Variants in LHFPL6 observed in about 807,000 individuals in gnomAD.
LHFPL6 encodes LHFPL tetraspan subfamily member 6, also known as LHFPL tetraspan subfamily member 6 protein.
In LHFPL6, 9 loss-of-function variants were observed where a neutral mutation model predicts 20.6. The observed-to-expected ratio is 0.44, with a 90% CI of 0.26 to 0.76. The LOEUF is 0.76. LHFPL6 is among the 30% of genes least tolerant of loss of function. The probability of loss-of-function intolerance (pLI) is 0.20; values close to 1 mark genes in which losing one functional copy is unlikely to be tolerated. For synonymous variants in LHFPL6, 105 were observed against 98.7 expected (o/e 1.06, Z -0.38); for missense variants, 218 against 253.5 (o/e 0.86, Z 0.95).
intron 2 of LHFPL6, among the ~76,000 whole-genome samples, chr13:39,593,918 A>T (rs1593377804): frequency 6.6e-6 from 1 of 152,128 alleles, no homozygotes; most frequent in Non-Finnish European, 1.5e-5. Flanking sequence ...GCCATATGTA[A>T]AAAGCTGAAA....
chr13:39,440,944 T>C (rs371666654), intron 2 of LHFPL6, among the ~76,000 whole-genome samples: 4 of 152,084 alleles, frequency 2.6e-5, no homozygotes, highest in African/African-American at 4.8e-5. Flanking sequence ...TCTACCGCCA[T>C]GTTAGATGTG....
intron 2 of LHFPL6, among the ~76,000 whole-genome samples, chr13:39,526,928 T>C (rs185341040): frequency 1.3e-5 from 2 of 152,352 alleles, no homozygotes; most frequent in African/African-American, 4.8e-5. Context: ...CTTGACTTAC[T>C]TTTGTTCAGA....
chr13:39,420,462 T>C (rs1002560875), intron 2 of LHFPL6, among the ~76,000 whole-genome samples: 12 of 152,160 alleles, frequency 7.9e-5, no homozygotes, highest in African/African-American at 2.9e-4. Flanking sequence ...AGCCAGAAAC[T>C]GGGAACAACC....
chr13:39,443,431 T>A (rs1339894262), intron 2 of LHFPL6, among the ~76,000 whole-genome samples: 2 of 151,820 alleles, frequency 1.3e-5, no homozygotes, highest in Non-Finnish European at 2.9e-5. Flanking sequence ...GAGAATGGGG[T>A]TGTTACTGTA....
intron 2 of LHFPL6, among the ~76,000 whole-genome samples, chr13:39,508,098 GCAAT>G (rs1869554607): frequency 1.3e-5 from 2 of 151,562 alleles, no homozygotes; most frequent in East Asian, 3.9e-4. Flanking sequence ...TCGGCTCACT[GCAAT>G]CAATTTCCGC....
chr13:39,551,867 C>T (rs551919620), intron 2 of LHFPL6, among the ~76,000 whole-genome samples: 1 of 136,924 alleles, frequency 7.3e-6, no homozygotes, highest in African/African-American at 2.5e-5. Context: ...AAAGAATGTG[C>T]TTAAAACAGG....
chr13:39,600,717 T>C, intron 2 of LHFPL6, 115 bp downstream of exon 2: 1 of 1,109,086 alleles, frequency 9.0e-7, no homozygotes, highest in East Asian at 2.6e-5. Flanking sequence ...TCCAAATCTA[T>C]TTCTCTTATG....
chr13:39,510,516 G>A (rs1380249585), intron 2 of LHFPL6, among the ~76,000 whole-genome samples: 1 of 152,154 alleles, frequency 6.6e-6, no homozygotes, highest in East Asian at 1.9e-4. Flanking sequence ...AGCATTGTGG[G>A]GTGGGGATAG....
At chr13:39,352,053 T>C (rs1438483425) in intron 3 of LHFPL6, among the ~76,000 whole-genome samples, 15 of 152,200 alleles carry the variant, frequency 9.9e-5, no homozygotes, top group Admixed American at 1.3e-4. Flanking sequence ...ATGGTTTCAA[T>C]TGCTAAAGGT....
intron 3 of LHFPL6, among the ~76,000 whole-genome samples, chr13:39,360,764 A>G (rs1869852876): frequency 1.1e-5 from 1 of 94,960 alleles, no homozygotes; most frequent in African/African-American, 3.1e-5. Context: ...GACAAAAAAA[A>G]AAAAAAACCT....
At chr13:39,486,751 C>T (rs1010637345) in intron 2 of LHFPL6, among the ~76,000 whole-genome samples, 1 of 152,178 alleles carries the variant, frequency 6.6e-6, no homozygotes, top group African/African-American at 2.4e-5. Context: ...AAAATGCTAA[C>T]CTATCAGGAT....
At position 39,342,974 on chromosome 13, in the gene LHFPL6, T is replaced by A. The variant is rs1266734282; in HGVS notation, c.*962A>T. 1 of 186,592 alleles carries A rather than the reference T, an allele frequency of 5.4e-6. No individual in the cohort carries two copies. The highest frequency in any genetic ancestry group is 6.2e-5 in the Admixed American group (1 of 16,104). 11.6% of individuals were successfully genotyped at this position (186,592 alleles called of 1,614,324 possible). On this transcript the variant is annotated 3_prime_UTR_variant, in exon 4 of 4. Transcript: ENST00000379589. ...TTTTAAATTTTTTACAAAATGAATA[T>A]AGAAATAAATGTGGTACAGCACAGT...
At chr13:39,566,498 T>C (rs1037692061) in intron 2 of LHFPL6, among the ~76,000 whole-genome samples, 1 of 151,932 alleles carries the variant, frequency 6.6e-6, no homozygotes, top group African/African-American at 2.4e-5. Flanking sequence ...CCTAACACTC[T>C]GGGAGGCTGA....
rs570727330 is a variant in LHFPL6 at position 39,465,811 on chromosome 13, G to A, written c.386-87285C>T. ...TGAATGAACATGAAGAAAACGAAAG[G>A]AGGCAGCTGCATGGTGAGAGAGAGT... is the stretch of plus-strand genomic sequence containing the variant. On this transcript the variant is annotated intron_variant, in intron 2 of 3. Coordinates refer to ENST00000379589, the MANE Select transcript of LHFPL6 (RefSeq NM_005780.3). 2.2e-3 allele frequency among the ~76,000 whole-genome samples: 329 copies of A among 152,196 alleles called. 1 individual carries two copies. The highest frequency in any genetic ancestry group is 6.8e-3 in the Middle Eastern group (2 of 294).
chr13:39,426,425 G>C (rs1871639924), intron 2 of LHFPL6, among the ~76,000 whole-genome samples: 1 of 151,946 alleles, frequency 6.6e-6, no homozygotes. Context: ...TCTTCATGTT[G>C]GTCAGGCTGG....
At chr13:39,375,744 C>A (rs1213588335) in intron 3 of LHFPL6, among the ~76,000 whole-genome samples, 1 of 143,354 alleles carries the variant, frequency 7.0e-6, no homozygotes, top group East Asian at 1.9e-4. Flanking sequence ...CTCTATGCCA[C>A]ACTTTCTCTT....
intron 2 of LHFPL6, among the ~76,000 whole-genome samples, chr13:39,479,353 AG>A (rs1868428251): frequency 6.6e-6 from 1 of 152,160 alleles, no homozygotes; most frequent in Non-Finnish European, 1.5e-5. Flanking sequence ...TTGGCTGAGA[AG>A]AACTTTTTCT....
chr13:39,421,531 G>A lies in LHFPL6; in HGVS notation c.386-43005C>T, dbSNP rs551775549. 1.7e-3 allele frequency among the ~76,000 whole-genome samples: 252 copies of A among 152,158 alleles called. 1 individual carries two copies. Among genetic ancestry groups the A allele is most frequent in the African/African-American group, 5.8e-3 (239 of 41,518 alleles). On this transcript the variant is annotated intron_variant, in intron 2 of 3. Transcript: ENST00000379589. ...ATGACAGTCTACTGTTCCACTTTTT[G>A]GTTTACAAGGTATGAAATCAGATGT...
chr13:39,525,943 G>C (rs1477134102), intron 2 of LHFPL6, among the ~76,000 whole-genome samples: 1 of 151,494 alleles, frequency 6.6e-6, no homozygotes, highest in Non-Finnish European at 1.5e-5. Flanking sequence ...ATCAGTCACA[G>C]AAACAGAATG....
Sources: allele counts gnomAD v4.1 joint callset (sites outside exome capture counted in the v4.1 genomes callset), GRCh38; gene constraint gnomAD v4.1.1; transcripts MANE v1.5; gene names NCBI Gene and HGNC (gene_info 2026-07-23, HGNC 2026-07-21).